The following GPATCH1 variants were observed in gnomAD, a reference collection of about 807,000 sequenced individuals.
GPATCH1 encodes the protein G-patch domain containing 1, also known as G patch domain-containing protein 1.
In GPATCH1, 73 loss-of-function variants were observed where a neutral mutation model predicts 114.9. That is an observed-to-expected ratio of 0.64 (90% CI 0.53 to 0.77). The LOEUF (loss-of-function observed/expected upper bound fraction) is 0.77. Among genes scored for constraint, GPATCH1 ranks in the 30% least tolerant of loss-of-function variants. GPATCH1 has a pLI of 0.00. For synonymous variants in GPATCH1, 391 were observed against 428.4 expected, an observed-to-expected ratio of 0.91 and a Z score of 1.08; for missense variants, 1,058 against 1,144.3, an observed-to-expected ratio of 0.92 and a Z score of 1.09.
chr19:33,081,363 A>C, intron 1 of GPATCH1, 97 bp downstream of exon 1: 6 of 964,736 alleles, frequency 6.2e-6, no homozygotes, highest in Non-Finnish European at 7.9e-6. Flanking sequence ...CCATTGTTAG[A>C]TCGTTCCCAG....
chr19:33,125,325 C>A, intron 18 of GPATCH1, 123 bp downstream of exon 18: 2 of 1,063,500 alleles, frequency 1.9e-6, no homozygotes, highest in Non-Finnish European at 2.7e-6. Context: ...CTCTCTGAGA[C>A]TTAACAGAAA....
At chr19:33,108,337 G>T (rs1972810420) in intron 10 of GPATCH1, among the ~76,000 whole-genome samples, 1 of 152,048 alleles carries the variant, frequency 6.6e-6, no homozygotes, top group Non-Finnish European at 1.5e-5. Context: ...CCCCGCCCCT[G>T]CCCGCCTTTC....
intron 1 of GPATCH1, among the ~76,000 whole-genome samples, chr19:33,083,397 T>G (rs893068764): frequency 3.5e-5 from 5 of 141,440 alleles, no homozygotes; most frequent in African/African-American, 1.3e-4. Context: ...CATGTTTTTG[T>G]TTTTTTTTTT....
intron 2 of GPATCH1, 57 bp downstream of exon 2, chr19:33,088,325 A>C: frequency 8.2e-7 from 1 of 1,213,402 alleles, no homozygotes; most frequent in Non-Finnish European, 1.2e-6. Flanking sequence ...CAAAATATTG[A>C]TTCTCCCTCA....
intron 19 of GPATCH1, among the ~76,000 whole-genome samples, 182 bp from the exon 20 acceptor site, chr19:33,129,948 G>GGA (rs1441228570): frequency 1.0e-5 from 1 of 96,406 alleles, no homozygotes; most frequent in East Asian, 3.9e-4. Flanking sequence ...CCATCTCGGG[G>GGA]GAAAAAAAAA....
intron 1 of GPATCH1, 87 bp downstream of exon 1, chr19:33,081,353 C>T (rs1049353410): frequency 2.0e-5 from 23 of 1,144,176 alleles, no homozygotes; most frequent in South Asian, 4.0e-5. Flanking sequence ...CGGTGCTGGA[C>T]CATTGTTAGA....
intron 11 of GPATCH1, 63 bp from the exon 12 acceptor site, chr19:33,111,661 T>G (rs1972855250): frequency 1.4e-6 from 2 of 1,460,980 alleles, no homozygotes; most frequent in Non-Finnish European, 1.9e-6. Flanking sequence ...CCAGCAGATG[T>G]TCTCTTGTAA....
chr19:33,125,328 A>G (rs1973028951), intron 18 of GPATCH1, 126 bp downstream of exon 18: 1 of 1,030,640 alleles, frequency 9.7e-7, no homozygotes, highest in South Asian at 1.8e-5. Flanking sequence ...TCTGAGACTT[A>G]ACAGAAATGT....
intron 10 of GPATCH1, 110 bp downstream of exon 10, chr19:33,107,009 C>T: frequency 1.3e-6 from 1 of 770,908 alleles, no homozygotes; most frequent in Admixed American, 2.3e-5. Flanking sequence ...TTTGTATTCC[C>T]AAACTGTGGA....
chr19:33,085,341 C>T (rs1972524774), intron 1 of GPATCH1, among the ~76,000 whole-genome samples: 1 of 151,812 alleles, frequency 6.6e-6, no homozygotes, highest in South Asian at 2.1e-4. Flanking sequence ...CACCCCCCAG[C>T]CCCCAGTAAC....
At chr19:33,099,200 C>G (rs911489370) in intron 8 of GPATCH1, among the ~76,000 whole-genome samples, 2 of 150,000 alleles carry the variant, frequency 1.3e-5, no homozygotes, top group East Asian at 3.9e-4. Context: ...ATGTATTGAT[C>G]TATTTTAATT....
chr19:33,091,127 C>T (rs943988450), intron 3 of GPATCH1, among the ~76,000 whole-genome samples: 4 of 152,128 alleles, frequency 2.6e-5, no homozygotes, highest in African/African-American at 7.2e-5. Context: ...TGAAAAGCCT[C>T]GTGGCTGGGT....
At chr19:33,096,545 C>T (rs1403891550) in intron 7 of GPATCH1, 99 bp downstream of exon 7, 76 of 925,344 alleles carry the variant, frequency 8.2e-5, no homozygotes, top group Non-Finnish European at 1.0e-4. Flanking sequence ...CTTTTTTTTT[C>T]CCCCTAATCC....
At chr19:33,104,713 CGGAGAGAGGGGCCG>C (rs1293550898) in intron 9 of GPATCH1, among the ~76,000 whole-genome samples, 1 of 152,032 alleles carries the variant, frequency 6.6e-6, no homozygotes, top group African/African-American at 2.4e-5. Flanking sequence ...TGAGAGCCAG[CGGAGAGAGGGGCCG>C]GGAGAGAGGG....
At position 33,126,569 on chromosome 19, in the gene GPATCH1, CACT is replaced by C. The variant is rs751884981; in HGVS notation, c.2620-17_2620-15del. On this transcript the variant is annotated splice_polypyrimidine_tract_variant and intron_variant, in intron 18 of 19. Transcript: ENST00000170564. ...AAAAAATACATTTGTTTTCCCCCAC[CACT>C]ATTTGTTTTTTACAGAAAAAGAAAC... 8 of 1,610,924 alleles carry C rather than the reference CACT, an allele frequency of 5.0e-6. No homozygotes were observed. The highest frequency in any genetic ancestry group is 2.2e-5 in the East Asian group (1 of 44,880).
chr19:33,117,419 C>T (rs1933838815), intron 15 of GPATCH1, among the ~76,000 whole-genome samples: 2 of 152,030 alleles, frequency 1.3e-5, no homozygotes, highest in South Asian at 4.1e-4. Context: ...TTTTGGGGAT[C>T]CTAGTAGCTG....
At chr19:33,097,719 C>A in intron 7 of GPATCH1, 36 bp from the exon 8 acceptor site, 1 of 1,603,116 alleles carries the variant, frequency 6.2e-7, no homozygotes, top group African/African-American at 1.3e-5. Flanking sequence ...CATACCCTAA[C>A]ACCTGTGCTC....
intron 8 of GPATCH1, among the ~76,000 whole-genome samples, chr19:33,099,552 G>A (rs967823199): frequency 4.0e-5 from 6 of 151,514 alleles, no homozygotes; most frequent in African/African-American, 1.2e-4. Context: ...TCTATTCGGT[G>A]AATCTATCTT....
intron 19 of GPATCH1, among the ~76,000 whole-genome samples, chr19:33,127,677 A>G (rs1306845593): frequency 6.6e-6 from 1 of 152,114 alleles, no homozygotes; most frequent in Non-Finnish European, 1.5e-5. Flanking sequence ...ACACACACAC[A>G]CATACACACT....
Sources: gnomAD v4.1 joint callset for allele counts (sites outside exome capture counted in the v4.1 genomes callset) on GRCh38, gnomAD v4.1.1 for gene constraint, MANE v1.5 for transcripts, NCBI Gene and HGNC (gene_info 2026-07-23, HGNC 2026-07-21) for gene names.